GMDS: variants seen among roughly 807,000 people sequenced by gnomAD.
GMDS encodes GDP-mannose 4,6 dehydratase.
Under a neutral mutation model 49.9 loss-of-function variants are expected in GMDS, and 20 were observed. The ratio of observed to expected loss-of-function variants is 0.40; its 90% CI spans 0.28 to 0.58. GMDS has a LOEUF of 0.58. GMDS is among the 20% of genes least tolerant of loss of function. The probability of loss-of-function intolerance (pLI) is 0.42; values close to 1 mark genes in which losing one functional copy is unlikely to be tolerated. For missense variants in GMDS, 362 were observed against 481.4 expected, an observed-to-expected ratio of 0.75 and a Z score of 2.32; for synonymous variants, 177 against 178.6, an observed-to-expected ratio of 0.99 and a Z score of 0.07.
At chr6:2,153,352 G>A (rs1776940219) in intron 1 of GMDS, among the ~76,000 whole-genome samples, 1 of 151,996 alleles carries the variant, frequency 6.6e-6, no homozygotes, top group African/African-American at 2.4e-5. Context: ...ACTGGCTATA[G>A]GAAAACTAAA....
chr6:1,753,729 G>A (rs150148184), intron 7 of GMDS, among the ~76,000 whole-genome samples: 88 of 152,130 alleles, frequency 5.8e-4, no homozygotes, highest in Non-Finnish European at 9.7e-4. Flanking sequence ...ATTAAGAAAC[G>A]CACTCAAAAC....
At chr6:1,733,629 C>A (rs1766903437) in intron 8 of GMDS, among the ~76,000 whole-genome samples, 1 of 152,188 alleles carries the variant, frequency 6.6e-6, no homozygotes, top group African/African-American at 2.4e-5. Flanking sequence ...CTAGTCGGGG[C>A]AACATGGTGA....
chr6:1,769,041 A>G (rs1768471723), intron 7 of GMDS, among the ~76,000 whole-genome samples: 1 of 152,228 alleles, frequency 6.6e-6, no homozygotes, highest in Non-Finnish European at 1.5e-5. Flanking sequence ...TATTCTACAG[A>G]GAGAAAAGTA....
intron 1 of GMDS, among the ~76,000 whole-genome samples, chr6:2,159,818 AT>A (rs1270686472): frequency 6.6e-6 from 1 of 151,650 alleles, no homozygotes; most frequent in Non-Finnish European, 1.5e-5. Flanking sequence ...CACCCGGCCA[AT>A]TTTTTCAATA....
intron 7 of GMDS, among the ~76,000 whole-genome samples, chr6:1,804,543 C>T (rs1259863917): frequency 6.6e-6 from 1 of 152,236 alleles, no homozygotes; most frequent in Non-Finnish European, 1.5e-5. Flanking sequence ...AACTGCAGTG[C>T]GTGCTGGGCC....
chr6:1,968,318 G>A (rs1224322114), intron 4 of GMDS, among the ~76,000 whole-genome samples: 1 of 152,152 alleles, frequency 6.6e-6, no homozygotes, highest in Non-Finnish European at 1.5e-5. Flanking sequence ...TCATGTGTTG[G>A]TAACTACAGT....
chr6:1,645,584 G>A (rs1763461674), intron 9 of GMDS, among the ~76,000 whole-genome samples: 1 of 152,116 alleles, frequency 6.6e-6, no homozygotes, highest in African/African-American at 2.4e-5. Flanking sequence ...CACTCTCCGG[G>A]TCCAACCTTG....
At chr6:1,662,736 C>A (rs1176942523) in intron 9 of GMDS, among the ~76,000 whole-genome samples, 4 of 152,210 alleles carry the variant, frequency 2.6e-5, no homozygotes, top group South Asian at 2.1e-4. Flanking sequence ...TGAAAAAAAT[C>A]ATTCCAACAT....
At chr6:1,686,246 C>A (rs757883338) in intron 9 of GMDS, among the ~76,000 whole-genome samples, 12 of 152,284 alleles carry the variant, frequency 7.9e-5, no homozygotes, top group Middle Eastern at 6.8e-3. Flanking sequence ...CAGTGTAGAG[C>A]GTTCAGTTGG....
intron 1 of GMDS, among the ~76,000 whole-genome samples, chr6:2,235,748 GCT>G (rs1032392695): frequency 6.6e-6 from 1 of 151,392 alleles, no homozygotes; most frequent in Non-Finnish European, 1.5e-5. Flanking sequence ...GGAGGTTGAG[GCT>G]CCAGTGATCT....
chr6:1,754,529 T>C (rs948480264), intron 7 of GMDS, among the ~76,000 whole-genome samples: 4 of 152,178 alleles, frequency 2.6e-5, no homozygotes, highest in Admixed American at 6.5e-5. Context: ...ACTCATTTTA[T>C]GAGGCCAGCA....
intron 7 of GMDS, among the ~76,000 whole-genome samples, chr6:1,899,987 G>T (rs868749981): frequency 6.6e-6 from 1 of 152,178 alleles, no homozygotes; most frequent in Non-Finnish European, 1.5e-5. Context: ...CTAAGGCCAC[G>T]TGGAGACCTT....
intron 4 of GMDS, among the ~76,000 whole-genome samples, chr6:1,977,210 G>A (rs905759733): frequency 6.6e-6 from 1 of 152,184 alleles, no homozygotes; most frequent in South Asian, 2.1e-4. Context: ...GCTTGTGTAT[G>A]TATGAATGAT....
chr6:2,189,073 G>A (rs1351179876), intron 1 of GMDS, among the ~76,000 whole-genome samples: 1 of 152,156 alleles, frequency 6.6e-6, no homozygotes, highest in South Asian at 2.1e-4. Context: ...GGAGAACACT[G>A]AATCCAGTAA....
intron 4 of GMDS, among the ~76,000 whole-genome samples, chr6:1,997,855 T>G (rs1766391445): frequency 6.6e-6 from 1 of 152,066 alleles, no homozygotes; most frequent in African/African-American, 2.4e-5. Context: ...GAAGGGTCAA[T>G]GAACACTGGA....
chr6:1,817,826 T>G (rs1312314444), intron 7 of GMDS, among the ~76,000 whole-genome samples: 1 of 152,148 alleles, frequency 6.6e-6, no homozygotes, highest in East Asian at 1.9e-4. Context: ...AAAAGCCTGG[T>G]TAACAGCAGG....
chr6:1,880,093 A>C (rs1759290196), intron 7 of GMDS, among the ~76,000 whole-genome samples: 1 of 152,084 alleles, frequency 6.6e-6, no homozygotes, highest in Non-Finnish European at 1.5e-5. Context: ...CAGGAGTAGA[A>C]AGGCACACAG....
At chr6:1,850,384 C>T (rs764430492) in intron 7 of GMDS, among the ~76,000 whole-genome samples, 3 of 152,184 alleles carry the variant, frequency 2.0e-5, no homozygotes, top group Admixed American at 6.5e-5. Context: ...ATCTAGGCCA[C>T]TAAATACTGC....
intron 7 of GMDS, among the ~76,000 whole-genome samples, chr6:1,868,281 G>A (rs958852179): frequency 4.6e-5 from 7 of 152,020 alleles, no homozygotes; most frequent in Admixed American, 1.3e-4. Context: ...CACCGCACCC[G>A]GCCCTCAACA....
Sources: allele counts gnomAD v4.1 joint callset (sites outside exome capture counted in the v4.1 genomes callset), GRCh38; gene constraint gnomAD v4.1.1; transcripts MANE v1.5; gene names NCBI Gene and HGNC (gene_info 2026-07-23, HGNC 2026-07-21).